PTPRD: variants seen among roughly 807,000 people sequenced by gnomAD.
PTPRD encodes the protein protein tyrosine phosphatase receptor type D, also known as receptor-type tyrosine-protein phosphatase delta.
In PTPRD, 34 loss-of-function variants were observed where a neutral mutation model predicts 214.5. The observed-to-expected ratio is 0.16, with a 90% CI of 0.12 to 0.21. The LOEUF (loss-of-function observed/expected upper bound fraction) is 0.21. PTPRD is among the 10% of genes least tolerant of loss of function. The pLI is 1.00. For synonymous variants in PTPRD, 1,128 were observed against 845.7 expected (o/e 1.33, Z -5.79); for missense variants, 2,545 against 2,398.7 (o/e 1.06, Z -1.27).
intron 7 of PTPRD, among the ~76,000 whole-genome samples, chr9:9,733,683 G>C (rs892642980): frequency 6.6e-6 from 1 of 152,132 alleles, no homozygotes; most frequent in East Asian, 1.9e-4. Context: ...CATCAAGTTA[G>C]AATCTCATTC....
At chr9:10,486,216 G>C (rs1188843134) in intron 2 of PTPRD, among the ~76,000 whole-genome samples, 2 of 152,078 alleles carry the variant, frequency 1.3e-5, no homozygotes, top group African/African-American at 2.4e-5. Flanking sequence ...GTTGGCTTTT[G>C]TTCCAATTGT....
rs1240145763 is a variant in PTPRD at position 10,036,496 on chromosome 9, ACACACTCATG to A, written c.-544-2716_-544-2707del. On this transcript the variant is annotated intron_variant, in intron 3 of 45. Coordinates refer to ENST00000381196, the MANE Select transcript of PTPRD (RefSeq NM_002839.4). The stretch of plus-strand genomic sequence containing the variant: ...ACAAATAGCAGCAAGGCACACATAC[ACACACTCATG>A]CACACACACACACACACACACACAC... Among the ~76,000 whole-genome samples the A allele has an allele frequency of 5.3e-4, 66 of 124,954 alleles. No homozygotes were observed. The South Asian group carries it at 0.016, about 31-fold the overall frequency. The allele number at this position is 124,954 out of a possible 152,430, so 82.0% of individuals were successfully genotyped here. A position where few individuals can be genotyped will look rare whatever the true frequency, so the allele number is the denominator to read the frequency against.
chr9:8,915,432 C>G (rs1253504706), intron 11 of PTPRD, among the ~76,000 whole-genome samples: 1 of 152,084 alleles, frequency 6.6e-6, no homozygotes, highest in East Asian at 1.9e-4. Context: ...GGATTGTGGA[C>G]CACTGCATGT....
intron 3 of PTPRD, among the ~76,000 whole-genome samples, chr9:10,317,012 A>C (rs988144207): frequency 6.6e-6 from 1 of 152,012 alleles, no homozygotes; most frequent in East Asian, 1.9e-4. Flanking sequence ...AAAGCAAGCA[A>C]TTCTATTTTC....
chr9:9,367,648 G>A (rs1367897226), intron 9 of PTPRD, among the ~76,000 whole-genome samples: 1 of 151,408 alleles, frequency 6.6e-6, no homozygotes, highest in Non-Finnish European at 1.5e-5. Context: ...TAAATTTTTA[G>A]GCTATACAAA....
At chr9:9,751,330 T>G (rs2098516992) in intron 6 of PTPRD, among the ~76,000 whole-genome samples, 1 of 152,108 alleles carries the variant, frequency 6.6e-6, no homozygotes, top group Non-Finnish European at 1.5e-5. Flanking sequence ...CTCCAACAAG[T>G]GGATATGAAG....
chr9:8,641,112 G>C (rs1442910285), intron 12 of PTPRD, among the ~76,000 whole-genome samples: 3 of 148,398 alleles, frequency 2.0e-5, no homozygotes, highest in Non-Finnish European at 4.4e-5. Context: ...TGAATCGTCT[G>C]CCTTATTTTG....
chr9:10,446,003 G>C (rs1015938604), intron 2 of PTPRD, among the ~76,000 whole-genome samples: 2 of 151,094 alleles, frequency 1.3e-5, no homozygotes, highest in Non-Finnish European at 3.0e-5. Flanking sequence ...CCAGTGGAGA[G>C]GGCAAGATCA....
chr9:9,678,192 TTTCTTCACAGAA>T (rs1184480899), intron 7 of PTPRD, among the ~76,000 whole-genome samples: 1 of 152,092 alleles, frequency 6.6e-6, no homozygotes, highest in East Asian at 1.9e-4. Context: ...TACCAATGAC[TTTCTTCACAGAA>T]TTGGAAACAA....
intron 5 of PTPRD, among the ~76,000 whole-genome samples, chr9:9,784,831 T>C (rs1432594452): frequency 1.4e-5 from 2 of 146,904 alleles, no homozygotes; most frequent in African/African-American, 5.0e-5. Flanking sequence ...TAGATATATG[T>C]ATGATGTCTT....
At chr9:9,529,369 G>A (rs2074966044) in intron 8 of PTPRD, among the ~76,000 whole-genome samples, 1 of 151,802 alleles carries the variant, frequency 6.6e-6, no homozygotes, top group Non-Finnish European at 1.5e-5. Flanking sequence ...AAGGCTGGGT[G>A]AAATATTTGT....
chr9:9,932,701 C>T (rs1027325225), intron 5 of PTPRD, among the ~76,000 whole-genome samples: 5 of 106,002 alleles, frequency 4.7e-5, no homozygotes, highest in Admixed American at 2.9e-4. Context: ...GGCAGGCCAA[C>T]GTTCAGATTC....
chr9:8,433,585 T>C (rs1182395517), intron 35 of PTPRD, among the ~76,000 whole-genome samples: 2 of 152,186 alleles, frequency 1.3e-5, no homozygotes, highest in Non-Finnish European at 2.9e-5. Flanking sequence ...CCTAGATTAA[T>C]GCATGTCTTT....
At chr9:8,425,661 GTT>G (rs1412724821) in intron 35 of PTPRD, among the ~76,000 whole-genome samples, 7 of 145,182 alleles carry the variant, frequency 4.8e-5, no homozygotes, top group Non-Finnish European at 1.1e-4. Context: ...TTTTTGTTTT[GTT>G]TTTTTGTTTT....
At chr9:8,799,868 A>G (rs1366904527) in intron 11 of PTPRD, among the ~76,000 whole-genome samples, 1 of 151,868 alleles carries the variant, frequency 6.6e-6, no homozygotes, top group Non-Finnish European at 1.5e-5. Flanking sequence ...TTTCTTTTCA[A>G]GTTGGTATGT....
At chr9:9,584,130 A>G (rs531274342) in intron 7 of PTPRD, among the ~76,000 whole-genome samples, 7 of 152,062 alleles carry the variant, frequency 4.6e-5, no homozygotes, top group African/African-American at 1.4e-4. Context: ...AACATGCATC[A>G]GAAGCTTCAT....
At chr9:9,318,224 C>CA (rs74895016) in intron 9 of PTPRD, among the ~76,000 whole-genome samples, 2,873 of 126,970 alleles carry the variant, frequency 0.023, 76 homozygotes, top group African/African-American at 0.064. Context: ...AACAAAAAAC[C>CA]AAAAAAAAAA....
chr9:8,371,626 G>A (rs1312126771), intron 39 of PTPRD, among the ~76,000 whole-genome samples: 4 of 151,960 alleles, frequency 2.6e-5, no homozygotes, highest in Admixed American at 2.0e-4. Context: ...GAGTGGGAAG[G>A]GTTTGCAAAA....
intron 2 of PTPRD, among the ~76,000 whole-genome samples, chr9:10,576,795 A>C (rs2069519339): frequency 3.3e-5 from 5 of 152,226 alleles, no homozygotes. Context: ...AGTTGATTAC[A>C]AATATAAAAT....
Sources: gnomAD v4.1 joint callset for allele counts (sites outside exome capture counted in the v4.1 genomes callset) on GRCh38, gnomAD v4.1.1 for gene constraint, MANE v1.5 for transcripts, NCBI Gene and HGNC (gene_info 2026-07-23, HGNC 2026-07-21) for gene names.